ADGRB3: variants seen among roughly 807,000 people sequenced by gnomAD.
ADGRB3 encodes brain-specific angiogenesis inhibitor 3.
A neutral mutation model predicts 193.4 loss-of-function variants in ADGRB3; 37 were observed. That is an observed-to-expected ratio of 0.19 (90% confidence interval 0.15 to 0.25). The LOEUF (loss-of-function observed/expected upper bound fraction) is 0.25. Ranked by LOEUF, ADGRB3 falls within the 10% of genes least tolerant of loss-of-function variation. ADGRB3 has a pLI of 1.00. For missense variants in ADGRB3, 1,637 were observed against 1,852.9 expected (o/e 0.88, Z 2.14); for synonymous variants, 690 against 644.2 (o/e 1.07, Z -1.08).
At chr6:69,244,790 C>G (rs1001016781) in intron 20 of ADGRB3, among the ~76,000 whole-genome samples, 4 of 152,042 alleles carry the variant, frequency 2.6e-5, no homozygotes, top group Non-Finnish European at 5.9e-5. Flanking sequence ...GTCAGAGTTA[C>G]ATGAATTAGT....
At chr6:69,214,958 C>T (rs1008598125) in intron 17 of ADGRB3, among the ~76,000 whole-genome samples, 6 of 152,018 alleles carry the variant, frequency 3.9e-5, no homozygotes, top group South Asian at 4.2e-4. Context: ...CTTCCTGATA[C>T]GATATTCCAA....
chr6:69,354,400 G>A (rs1285062286), intron 27 of ADGRB3, 72 bp downstream of exon 27: 8 of 1,241,486 alleles, frequency 6.4e-6, no homozygotes, highest in African/African-American at 1.5e-5. Flanking sequence ...ATCCTTATGA[G>A]TAAAATAGTG....
At chr6:69,218,218 TTA>T (rs1765813828) in intron 17 of ADGRB3, among the ~76,000 whole-genome samples, 1 of 152,258 alleles carries the variant, frequency 6.6e-6, no homozygotes, top group Admixed American at 6.5e-5. Flanking sequence ...GTTGAACCCA[TTA>T]ACGTCAGGAC....
Position 68,974,781 on chromosome 6 carries a change from C to T in ADGRB3, c.1544C>T (p.Pro515Leu). The change falls in exon 9 of 32, where the codon CCT becomes CTT. Residue 515 changes from proline (P) to leucine (L), a missense_variant. Pro to Leu is a moderately conservative substitution (Grantham distance 98). Transcript: ENST00000370598. ...QRCPAPYEIC[P>L]EDYLMSMVWK... is the part of the protein sequence containing the mutation. ...ATTGCAGCACCTTATGAAATATGCC[C>T]TGAGGATTATCTGATGTCGATGGTG... The T allele has an allele frequency of 6.2e-7, 1 of 1,613,946 alleles. No homozygotes were observed. The highest frequency in any genetic ancestry group is 8.5e-7 in the Non-Finnish European group (1 of 1,179,894).
intron 8 of ADGRB3, among the ~76,000 whole-genome samples, chr6:68,966,935 G>T (rs1028512867): frequency 2.6e-5 from 4 of 152,152 alleles, no homozygotes; most frequent in African/African-American, 9.6e-5. Flanking sequence ...TTATTTTAAT[G>T]TCTAAAGCTA....
chr6:68,751,913 T>C (rs1766207049), intron 3 of ADGRB3, among the ~76,000 whole-genome samples: 1 of 152,222 alleles, frequency 6.6e-6, no homozygotes, highest in Admixed American at 6.5e-5. Context: ...CCTGAGGATG[T>C]GATATAGTGA....
At chr6:68,976,980 A>G (rs1020760312) in intron 10 of ADGRB3, among the ~76,000 whole-genome samples, 15 of 149,006 alleles carry the variant, frequency 1.0e-4, no homozygotes, top group Admixed American at 5.4e-4. Flanking sequence ...CATAAACATA[A>G]AGTTTTATAT....
chr6:69,050,097 T>G (rs1771348613), intron 15 of ADGRB3, among the ~76,000 whole-genome samples: 1 of 152,216 alleles, frequency 6.6e-6, no homozygotes, highest in Admixed American at 6.5e-5. Flanking sequence ...CAGTTGGACT[T>G]CTTTGTTATA....
At chr6:68,921,899 T>G (rs1470866774) in intron 3 of ADGRB3, among the ~76,000 whole-genome samples, 1 of 152,106 alleles carries the variant, frequency 6.6e-6, no homozygotes, top group Non-Finnish European at 1.5e-5. Context: ...CGTAGTGACG[T>G]GGCTTTTGTG....
intron 3 of ADGRB3, among the ~76,000 whole-genome samples, chr6:68,794,414 CAATTTGAA>C (rs1467904411): frequency 6.6e-6 from 1 of 151,968 alleles, no homozygotes; most frequent in Non-Finnish European, 1.5e-5. Flanking sequence ...GCTATGGAAT[CAATTTGAA>C]ATGCAAGCCA....
At chr6:68,651,537 G>A (rs1188636282) in intron 3 of ADGRB3, among the ~76,000 whole-genome samples, 1 of 152,086 alleles carries the variant, frequency 6.6e-6, no homozygotes, top group Non-Finnish European at 1.5e-5. Flanking sequence ...TCTGTGTTCT[G>A]AGACCACAGA....
intron 3 of ADGRB3, among the ~76,000 whole-genome samples, chr6:68,698,723 A>T (rs912634113): frequency 6.6e-6 from 1 of 152,056 alleles, no homozygotes; most frequent in Non-Finnish European, 1.5e-5. Context: ...AGAGGGTGCT[A>T]GGAAAGCAAA....
intron 3 of ADGRB3, among the ~76,000 whole-genome samples, chr6:68,848,500 C>A (rs1470528858): frequency 6.6e-6 from 1 of 151,922 alleles, no homozygotes; most frequent in East Asian, 1.9e-4. Flanking sequence ...ATACAAAAAG[C>A]AAGTGGCTAT....
intron 26 of ADGRB3, among the ~76,000 whole-genome samples, chr6:69,348,975 A>G (rs1483240588): frequency 6.6e-6 from 1 of 152,240 alleles, no homozygotes; most frequent in African/African-American, 2.4e-5. Flanking sequence ...AGAGTGGTAC[A>G]TTGGAATGAA....
intron 3 of ADGRB3, among the ~76,000 whole-genome samples, chr6:68,687,607 T>A (rs937951092): frequency 4.7e-4 from 72 of 152,178 alleles, no homozygotes; most frequent in Non-Finnish European, 4.4e-5. Context: ...CTTACATGAA[T>A]TAAGCACATA....
chr6:69,048,212 C>G lies in ADGRB3; in HGVS notation c.2135C>G (p.Ala712Gly), dbSNP rs1360705070. The G allele has an allele frequency of 6.2e-7, 1 of 1,612,618 alleles. No homozygotes were observed. Among genetic ancestry groups the G allele is most frequent in the African/African-American group, 1.3e-5 (1 of 74,840 alleles). ...VVASIQKLPA[A>G]SVLTDINFPM... Reference sequence around the variant, plus strand: ...GCTAGTATTCAGAAGCTTCCTGCAGCCTCTGTTCTAACAGACATCAACTTT... The same window carrying G: ...GCTAGTATTCAGAAGCTTCCTGCAGGCTCTGTTCTAACAGACATCAACTTT... Residue 712 changes from alanine to glycine, a missense_variant, in exon 14 of 32, where the codon GCC (alanine) becomes GGC (glycine). By Grantham distance (60) the Ala-to-Gly change is moderately conservative. Around this residue, in one of 7 missense-constraint regions of ADGRB3, gnomAD observed 641 missense variants for 673.9 expected, o/e 0.95. Coordinates refer to ENST00000370598, the MANE Select transcript of ADGRB3 (RefSeq NM_001704.3).
At chr6:69,138,075 G>A (rs67807) in intron 17 of ADGRB3, among the ~76,000 whole-genome samples, 21,261 of 152,070 alleles carry the variant, frequency 0.14, 1,653 homozygotes, top group Non-Finnish European at 0.16. Context: ...ACCTAGAAAC[G>A]GTACCCATCA....
At chr6:69,033,752 A>C (rs1400123205) in intron 13 of ADGRB3, among the ~76,000 whole-genome samples, 1 of 152,142 alleles carries the variant, frequency 6.6e-6, no homozygotes, top group Non-Finnish European at 1.5e-5. Flanking sequence ...GTTAAAATTC[A>C]TACTACAGGC....
intron 3 of ADGRB3, among the ~76,000 whole-genome samples, chr6:68,775,017 G>T (rs569245057): frequency 6.6e-6 from 1 of 151,964 alleles, no homozygotes; most frequent in Admixed American, 6.6e-5. Flanking sequence ...ACTAACCTAG[G>T]CAGGGCATAA....
Sources: allele counts gnomAD v4.1 joint callset (sites outside exome capture counted in the v4.1 genomes callset), GRCh38; gene constraint gnomAD v4.1.1; regional missense constraint gnomAD v4.1.1; transcripts MANE v1.5; gene names NCBI Gene and HGNC (gene_info 2026-07-23, HGNC 2026-07-21).